ADGRL3: variants seen among roughly 807,000 people sequenced by gnomAD.
ADGRL3 encodes the protein calcium-independent alpha-latrotoxin receptor 3.
A neutral mutation model predicts 153.5 loss-of-function variants in ADGRL3; 62 were observed. The ratio of observed to expected loss-of-function variants is 0.40; its 90% CI spans 0.33 to 0.50. The LOEUF is 0.50. Among genes scored for constraint, ADGRL3 ranks in the 20% least tolerant of loss-of-function variants. The pLI is 0.47. For synonymous variants in ADGRL3, 710 were observed against 672.5 expected (o/e 1.06, Z -0.86); for missense variants, 1,641 against 1,859.4 (o/e 0.88, Z 2.16).
At chr4:61,964,683 T>C (rs1415131987) in intron 17 of ADGRL3, among the ~76,000 whole-genome samples, 1 of 152,084 alleles carries the variant, frequency 6.6e-6, no homozygotes, top group African/African-American at 2.4e-5. Flanking sequence ...ATAAATAAAC[T>C]TTTTCATTGA....
intron 1 of ADGRL3, among the ~76,000 whole-genome samples, chr4:61,257,446 C>T (rs768795696): frequency 3.9e-5 from 6 of 152,086 alleles, no homozygotes; most frequent in Non-Finnish European, 5.9e-5. Context: ...CTTAAAACCA[C>T]AATAATCCTT....
intron 9 of ADGRL3, among the ~76,000 whole-genome samples, chr4:61,834,268 A>G (rs1316677837): frequency 1.3e-5 from 2 of 152,048 alleles, no homozygotes; most frequent in Non-Finnish European, 2.9e-5. Flanking sequence ...AGCTTCATCC[A>G]TGTCCCTATA....
chr4:61,815,843 A>G (rs555195447), intron 9 of ADGRL3, among the ~76,000 whole-genome samples: 6 of 152,284 alleles, frequency 3.9e-5, no homozygotes, highest in African/African-American at 1.4e-4. Context: ...CATCTTGGAA[A>G]CAGAGAGCAG....
intron 8 of ADGRL3, among the ~76,000 whole-genome samples, chr4:61,742,744 G>A (rs968333215): frequency 5.9e-5 from 9 of 152,188 alleles, no homozygotes; most frequent in South Asian, 2.1e-4. Context: ...TTCAAGATAC[G>A]TAAATGACAG....
intron 1 of ADGRL3, among the ~76,000 whole-genome samples, chr4:61,270,167 G>T (rs188256694): frequency 1.3e-5 from 2 of 151,558 alleles, no homozygotes; most frequent in African/African-American, 4.8e-5. Context: ...ATGCAAAAAG[G>T]AATCATGTTT....
At chr4:61,602,072 G>A (rs974505276) in intron 5 of ADGRL3, among the ~76,000 whole-genome samples, 2 of 144,008 alleles carry the variant, frequency 1.4e-5, no homozygotes, top group Non-Finnish European at 3.1e-5. Flanking sequence ...ATAAGTAAAC[G>A]GTTAATAAAT....
chr4:61,783,941 G>C (rs2097246115), intron 8 of ADGRL3, among the ~76,000 whole-genome samples: 1 of 152,028 alleles, frequency 6.6e-6, no homozygotes, highest in Admixed American at 6.6e-5. Flanking sequence ...GCCAATATCT[G>C]ACAGTTTTGA....
At chr4:62,040,535 A>T (rs187309123) in intron 24 of ADGRL3, among the ~76,000 whole-genome samples, 1 of 152,200 alleles carries the variant, frequency 6.6e-6, no homozygotes, top group Admixed American at 6.6e-5. Context: ...TTTGGGGAGT[A>T]TGGATGCATC....
At chr4:61,284,964 C>G (rs185037964) in intron 1 of ADGRL3, among the ~76,000 whole-genome samples, 2,672 of 151,684 alleles carry the variant, frequency 0.018, 67 homozygotes, top group African/African-American at 0.059. Flanking sequence ...TGTTACCAAT[C>G]TTTGTTTAAA....
chr4:61,700,368 A>G (rs991136154), intron 6 of ADGRL3, among the ~76,000 whole-genome samples: 4 of 152,216 alleles, frequency 2.6e-5, no homozygotes, highest in African/African-American at 7.2e-5. Context: ...GAAATAGTGG[A>G]AAATAAAATA....
intron 2 of ADGRL3, among the ~76,000 whole-genome samples, chr4:61,386,290 AT>A (rs1205434620): frequency 6.6e-6 from 1 of 152,162 alleles, no homozygotes; most frequent in Non-Finnish European, 1.5e-5. Flanking sequence ...ATTATATAAC[AT>A]AAACACTACT....
intron 25 of ADGRL3, among the ~76,000 whole-genome samples, chr4:62,051,036 A>T (rs1304932815): frequency 1.3e-5 from 2 of 151,032 alleles, no homozygotes; most frequent in Non-Finnish European, 3.0e-5. Flanking sequence ...TTTGTTCTTT[A>T]TATTCTGTGT....
chr4:62,032,912 C>T (rs1314208405), intron 23 of ADGRL3, among the ~76,000 whole-genome samples: 3 of 151,478 alleles, frequency 2.0e-5, no homozygotes, highest in African/African-American at 7.3e-5. Context: ...TGGATGCATT[C>T]TAATCTAATT....
chr4:61,687,536 T>G (rs1031518123), intron 6 of ADGRL3, among the ~76,000 whole-genome samples: 4 of 152,044 alleles, frequency 2.6e-5, no homozygotes, highest in Non-Finnish European at 5.9e-5. Flanking sequence ...ATATACCTTC[T>G]CTGTCATGGA....
chr4:61,997,027 A>G (rs1307203955), intron 20 of ADGRL3, among the ~76,000 whole-genome samples: 2 of 152,130 alleles, frequency 1.3e-5, no homozygotes, highest in Non-Finnish European at 1.5e-5. Flanking sequence ...TTGACTTTGG[A>G]TAAATATAGG....
intron 2 of ADGRL3, among the ~76,000 whole-genome samples, chr4:61,408,426 TTC>T (rs905391174): frequency 5.3e-5 from 8 of 152,008 alleles, no homozygotes; most frequent in African/African-American, 1.7e-4. Context: ...TTTTTTTTTT[TTC>T]CTGCTCTGCT....
chr4:61,991,319 G>T (rs538907148), intron 19 of ADGRL3, among the ~76,000 whole-genome samples: 16 of 151,854 alleles, frequency 1.1e-4, no homozygotes, highest in African/African-American at 3.4e-4. Flanking sequence ...CTTGTGTCAC[G>T]GGGGCTTCTT....
chr4:61,212,409 A>G (rs1740505563), intron 1 of ADGRL3, among the ~76,000 whole-genome samples: 1 of 152,198 alleles, frequency 6.6e-6, no homozygotes, highest in South Asian at 2.1e-4. Context: ...CAAGTAAGAT[A>G]TTTCAGATAA....
chr4:62,054,302 A>G (rs540163669), intron 25 of ADGRL3, among the ~76,000 whole-genome samples: 74 of 151,774 alleles, frequency 4.9e-4, no homozygotes, highest in Non-Finnish European at 8.4e-4. Context: ...TTAGAGATTA[A>G]TAAATTACTA....
Sources: allele counts gnomAD v4.1 joint callset (sites outside exome capture counted in the v4.1 genomes callset), GRCh38; gene constraint gnomAD v4.1.1; transcripts MANE v1.5; gene names NCBI Gene and HGNC (gene_info 2026-07-23, HGNC 2026-07-21).